Variants in IL1RAPL1 observed in about 807,000 individuals in gnomAD.
The protein encoded by IL1RAPL1 is interleukin 1 receptor accessory protein like 1.
In IL1RAPL1, 3 loss-of-function variants were observed where a neutral mutation model predicts 48.4. The observed-to-expected ratio is 0.06, with a 90% CI of 0.03 to 0.16. IL1RAPL1 has a LOEUF of 0.16. Among genes scored for constraint, IL1RAPL1 ranks in the 10% least tolerant of loss-of-function variants. The pLI is 1.00. For synonymous variants in IL1RAPL1, 185 were observed against 187.7 expected, an observed-to-expected ratio of 0.99 and a Z score of 0.12; for missense variants, 349 against 530.6, an observed-to-expected ratio of 0.66 and a Z score of 3.36.
chrX:29,436,854 C>G (rs901760310), intron 5 of IL1RAPL1, among the ~76,000 whole-genome samples: 1 of 110,202 alleles, frequency 9.1e-6, no homozygotes, highest in Admixed American at 9.7e-5. Flanking sequence ...TTTAAAATTG[C>G]CTTCATGTTT....
chrX:29,651,942 T>C (rs1031798705), intron 5 of IL1RAPL1, among the ~76,000 whole-genome samples: 10 of 111,559 alleles, frequency 9.0e-5, no homozygotes, highest in Non-Finnish European at 1.9e-4. Context: ...AAAAGATACT[T>C]TTCAAAGAGT....
At chrX:29,413,506 A>ACCC (rs1934173718) in intron 5 of IL1RAPL1, among the ~76,000 whole-genome samples, 1 of 77,337 alleles carries the variant, frequency 1.3e-5, no homozygotes, top group Admixed American at 1.6e-4. Context: ...CCTCCCCCCT[A>ACCC]CCCCCACCCC....
chrX:28,958,086 T>A (rs1388455796), intron 2 of IL1RAPL1, among the ~76,000 whole-genome samples: 1 of 111,971 alleles, frequency 8.9e-6, no homozygotes, highest in African/African-American at 3.2e-5. Flanking sequence ...GAGCCAGTTA[T>A]CATATGCGTC....
chrX:28,964,834 C>T (rs1054149105), intron 2 of IL1RAPL1, among the ~76,000 whole-genome samples: 29 of 110,634 alleles, frequency 2.6e-4, no homozygotes, highest in African/African-American at 9.5e-4. Flanking sequence ...TTTTTTTTCT[C>T]TAAGGTTTGG....
intron 1 of IL1RAPL1, among the ~76,000 whole-genome samples, chrX:28,746,539 G>T (rs1935980574): frequency 9.0e-6 from 1 of 111,489 alleles, no homozygotes; most frequent in Non-Finnish European, 1.9e-5. Context: ...CTGTAAAAAA[G>T]ATTATTTCAA....
rs1179755692 is a variant in IL1RAPL1 at position 29,803,014 on chromosome X, T to G, written c.779-114450T>G. Among the ~76,000 whole-genome samples, 94 of 54,145 alleles carry G rather than the reference T, an allele frequency of 1.7e-3. 1 individual carries two copies. The highest frequency in any genetic ancestry group is 7.1e-3 in the African/African-American group (89 of 12,597). 47.0% of individuals were successfully genotyped at this position (54,145 alleles called of 115,157 possible). ...ATATATATGTATGCATATATACATA[T>G]GTGTACATATACATGTATGCATATA... On this transcript the variant is annotated intron_variant, in intron 6 of 10. Transcript: ENST00000378993.
chrX:28,656,508 TCCCCATCCTTGTCATAAAG>T lies in IL1RAPL1; in HGVS notation c.-25+68488_-25+68506del, dbSNP rs371025139. ...TCCAGTCCCATCAGCTTTCTTTCTG[TCCCCATCCTTGTCATAAAG>T]CCCCATCCTTGTCATAAAGCCCCAT... On this transcript the variant is annotated intron_variant, in intron 1 of 10. Coordinates refer to ENST00000378993, the MANE Select transcript of IL1RAPL1 (RefSeq NM_014271.4). 4.6e-3 allele frequency among the ~76,000 whole-genome samples: 514 copies of T among 110,932 alleles called. 3 individuals carry two copies. The highest frequency in any genetic ancestry group is 0.016 in the African/African-American group (487 of 30,505).
At chrX:29,506,139 C>G (rs1246886443) in intron 5 of IL1RAPL1, among the ~76,000 whole-genome samples, 1 of 112,077 alleles carries the variant, frequency 8.9e-6, no homozygotes, top group Non-Finnish European at 1.9e-5. Flanking sequence ...AGAAATTTTT[C>G]TGTGTTATCT....
intron 2 of IL1RAPL1, among the ~76,000 whole-genome samples, chrX:29,242,294 T>A (rs1022619708): frequency 4.4e-5 from 5 of 112,626 alleles, no homozygotes; most frequent in Non-Finnish European, 9.4e-5. Context: ...CCAAGAATTC[T>A]GTGAAATAAT....
chrX:29,364,575 A>G (rs1310320354), intron 3 of IL1RAPL1, among the ~76,000 whole-genome samples: 2 of 108,705 alleles, frequency 1.8e-5, no homozygotes, highest in East Asian at 5.7e-4. Context: ...AAAAAAAAAA[A>G]AAAAAAAAGA....
At chrX:29,663,494 TACTG>T (rs1405658489) in intron 5 of IL1RAPL1, among the ~76,000 whole-genome samples, 9 of 112,308 alleles carry the variant, frequency 8.0e-5, no homozygotes, top group Non-Finnish European at 1.5e-4. Flanking sequence ...TCTAAATTAG[TACTG>T]ACTATTTTAG....
chrX:28,971,458 G>C (rs1314523761), intron 2 of IL1RAPL1, among the ~76,000 whole-genome samples: 1 of 111,847 alleles, frequency 8.9e-6, no homozygotes, highest in African/African-American at 3.2e-5. Context: ...GTAATCTCTA[G>C]CAGATAATCT....
chrX:29,238,375 A>G (rs1345102642), intron 2 of IL1RAPL1, among the ~76,000 whole-genome samples: 1 of 111,930 alleles, frequency 8.9e-6, no homozygotes, highest in Non-Finnish European at 1.9e-5. Context: ...AATGTTTTCA[A>G]CATCTTTAAT....
At chrX:29,178,273 A>T (rs1329080544) in intron 2 of IL1RAPL1, among the ~76,000 whole-genome samples, 1 of 111,661 alleles carries the variant, frequency 9.0e-6, no homozygotes. Flanking sequence ...CTGACTTTTG[A>T]ATGATCACCA....
In IL1RAPL1 at chrX:29,821,365, G is replaced by A. The variant is rs192624378; in HGVS notation, c.779-96099G>A. 2.3e-4 allele frequency among the ~76,000 whole-genome samples: 25 copies of A among 110,706 alleles called. No individual in the cohort carries two copies. The East Asian group carries it at 7.1e-3, about 32-fold the overall frequency. ...CTCGGGAGGCTGAGGCAGGAGAATG[G>A]CGTGACCCCAGGAGGTGGAGCTTGC... On this transcript the variant is annotated intron_variant, in intron 6 of 10. Coordinates refer to ENST00000378993, the MANE Select transcript of IL1RAPL1 (RefSeq NM_014271.4).
At chrX:29,262,228 T>C (rs900957581) in intron 2 of IL1RAPL1, among the ~76,000 whole-genome samples, 61 of 112,729 alleles carry the variant, frequency 5.4e-4, no homozygotes, top group African/African-American at 1.8e-3. Flanking sequence ...TATTTTGTTC[T>C]AGTAGGCATT....
At chrX:28,676,842 C>G (rs1207465546) in intron 1 of IL1RAPL1, among the ~76,000 whole-genome samples, 1 of 111,026 alleles carries the variant, frequency 9.0e-6, no homozygotes, top group Non-Finnish European at 1.9e-5. Context: ...GGTCTAAGGA[C>G]TCAAAAATCC....
chrX:29,766,692 A>G (rs1569163436), intron 6 of IL1RAPL1, among the ~76,000 whole-genome samples: 1 of 62,332 alleles, frequency 1.6e-5, no homozygotes, highest in Non-Finnish European at 2.5e-5. Context: ...TAAAGTATAT[A>G]TTAATATATA....
Position 29,649,965 on chromosome X carries a change from G to A in IL1RAPL1, c.704-18465G>A, listed in dbSNP as rs1172051027. ...TTAGTAACATTTCTATACACTAACA[G>A]CAAACTATCTGAAAAAGAAATATTA... On this transcript the variant is annotated intron_variant, in intron 5 of 10. Coordinates refer to ENST00000378993, the MANE Select transcript of IL1RAPL1 (RefSeq NM_014271.4). 6.3e-4 allele frequency among the ~76,000 whole-genome samples: 70 copies of A among 111,233 alleles called. No homozygotes were observed. In the Admixed American group the frequency reaches 6.4e-3, roughly 10 times the overall value.
Sources: gnomAD v4.1 joint callset for allele counts (sites outside exome capture counted in the v4.1 genomes callset) on GRCh38, gnomAD v4.1.1 for gene constraint, MANE v1.5 for transcripts, NCBI Gene and HGNC (gene_info 2026-07-23, HGNC 2026-07-21) for gene names.